The following KCNIP4 variants were observed in gnomAD, a reference collection of about 807,000 sequenced individuals.
KCNIP4 encodes Kv channel-interacting protein 4.
KCNIP4 carries 12 observed loss-of-function variants against 34.0 expected under a neutral mutation model. The ratio of observed to expected loss-of-function variants is 0.35; its 90% CI spans 0.23 to 0.57. The LOEUF (loss-of-function observed/expected upper bound fraction) is 0.57, where lower values mean the gene tolerates loss of function less well. KCNIP4 is among the 20% of genes least tolerant of loss of function. The probability of loss-of-function intolerance (pLI) is 0.83; values close to 1 mark genes in which losing one functional copy is unlikely to be tolerated. For missense variants in KCNIP4, 238 were observed against 311.7 expected (o/e 0.76, Z 1.78); for synonymous variants, 124 against 102.2 (o/e 1.21, Z -1.29).
At chr4:20,746,129 A>C (rs1264902323) in intron 5 of KCNIP4, among the ~76,000 whole-genome samples, 2 of 152,136 alleles carry the variant, frequency 1.3e-5, no homozygotes, top group African/African-American at 4.8e-5. Context: ...AACCAACCCA[A>C]ATGTCCATCA....
chr4:21,198,708 G>A (rs958136724), intron 1 of KCNIP4, among the ~76,000 whole-genome samples: 1 of 152,140 alleles, frequency 6.6e-6, no homozygotes, highest in African/African-American at 2.4e-5. Context: ...TTGTTCTGCT[G>A]GAGCCTGTGC....
chr4:20,750,099 A>G (rs1380874973), intron 4 of KCNIP4, among the ~76,000 whole-genome samples: 1 of 152,218 alleles, frequency 6.6e-6, no homozygotes, highest in African/African-American at 2.4e-5. Flanking sequence ...GTAAAGTACT[A>G]AAAATACTAC....
At chr4:21,596,813 T>A (rs1163630496) in intron 1 of KCNIP4, among the ~76,000 whole-genome samples, 1 of 151,896 alleles carries the variant, frequency 6.6e-6, no homozygotes, top group African/African-American at 2.4e-5. Flanking sequence ...AGGTACCAGG[T>A]GTGGAGCTAA....
intron 3 of KCNIP4, among the ~76,000 whole-genome samples, chr4:20,799,403 C>G (rs963866177): frequency 9.9e-5 from 15 of 152,206 alleles, no homozygotes; most frequent in Non-Finnish European, 1.9e-4. Context: ...GGCAGCCCCA[C>G]TAACCCACAT....
At chr4:21,092,397 C>T (rs967549374) in intron 1 of KCNIP4, among the ~76,000 whole-genome samples, 1 of 152,046 alleles carries the variant, frequency 6.6e-6, no homozygotes, top group Non-Finnish European at 1.5e-5. Flanking sequence ...AGAGTATATG[C>T]CATTTTTAGA....
intron 1 of KCNIP4, among the ~76,000 whole-genome samples, chr4:21,191,676 A>T (rs1013838008): frequency 2.6e-5 from 4 of 152,226 alleles, no homozygotes; most frequent in Non-Finnish European, 1.5e-5. Flanking sequence ...CTTACAGATA[A>T]GACAAATTTT....
chr4:21,057,982 T>C (rs1021533060), intron 1 of KCNIP4, among the ~76,000 whole-genome samples: 6 of 152,124 alleles, frequency 3.9e-5, no homozygotes, highest in African/African-American at 1.4e-4. Flanking sequence ...AAACTTATTG[T>C]GATAATACAT....
At chr4:21,422,838 G>A (rs1725597951) in intron 1 of KCNIP4, among the ~76,000 whole-genome samples, 2 of 152,068 alleles carry the variant, frequency 1.3e-5, no homozygotes, top group East Asian at 3.9e-4. Context: ...GAGAACTATG[G>A]CATGGAGAAA....
intron 1 of KCNIP4, among the ~76,000 whole-genome samples, chr4:21,262,038 A>G (rs770942640): frequency 5.3e-5 from 8 of 152,322 alleles, no homozygotes; most frequent in South Asian, 4.1e-4. Flanking sequence ...GTCTTATCTC[A>G]TAATGTTCTT....
rs358579 is a variant in KCNIP4 at position 21,434,956 on chromosome 4, C to A, written c.61+513615G>T. ...AAAACAGGTCTAAGAGAAGTAATAA[C>A]TTCATAGAGTTGTTGAGGGAGTTAG... is the stretch of plus-strand genomic sequence containing the variant. On this transcript the variant is annotated intron_variant, in intron 1 of 8. Transcript: ENST00000382152. Among the ~76,000 whole-genome samples the A allele has an allele frequency of 4.2e-3, 636 of 152,146 alleles. 6 individuals are homozygous for A. The highest frequency in any genetic ancestry group is 0.014 in the African/African-American group (589 of 41,512).
At chr4:21,825,741 A>G (rs1024706686) in intron 1 of KCNIP4, among the ~76,000 whole-genome samples, 1 of 152,158 alleles carries the variant, frequency 6.6e-6, no homozygotes, top group Non-Finnish European at 1.5e-5. Flanking sequence ...ACGGTTACCT[A>G]CTAGGTACAT....
intron 1 of KCNIP4, among the ~76,000 whole-genome samples, chr4:21,479,987 C>A (rs539180486): frequency 1.3e-5 from 2 of 151,044 alleles, no homozygotes; most frequent in African/African-American, 4.8e-5. Context: ...CTTAGAAAGA[C>A]ACAAAAGAGA....
At chr4:21,488,655 C>T (rs550958895) in intron 1 of KCNIP4, among the ~76,000 whole-genome samples, 11 of 152,124 alleles carry the variant, frequency 7.2e-5, no homozygotes, top group East Asian at 3.9e-4. Context: ...AAAACCAATA[C>T]GTCACAATCA....
rs1280766965 is a variant in KCNIP4, at chr4:21,495,534, T to C, written c.61+453037A>G. Reference sequence around the variant, plus strand: ...TTAATGATCCGATGATGATAAAAGATAAAGAGGTTTAGGATTTTGTGGTAT... The same window carrying C: ...TTAATGATCCGATGATGATAAAAGACAAAGAGGTTTAGGATTTTGTGGTAT... On this transcript the variant is annotated intron_variant, in intron 1 of 8. Transcript: ENST00000382152. Among the ~76,000 whole-genome samples the C allele has an allele frequency of 2.0e-5, 3 of 152,084 alleles. No individual in the cohort carries two copies. The East Asian group carries it at 5.8e-4, about 29-fold the overall frequency.
intron 1 of KCNIP4, among the ~76,000 whole-genome samples, chr4:21,190,772 A>G (rs1402369905): frequency 6.6e-6 from 1 of 152,186 alleles, no homozygotes; most frequent in Non-Finnish European, 1.5e-5. Flanking sequence ...CATAAAATCT[A>G]TTTACATATT....
chr4:21,443,177 G>C (rs951153546), intron 1 of KCNIP4, among the ~76,000 whole-genome samples: 3 of 152,076 alleles, frequency 2.0e-5, no homozygotes, highest in Admixed American at 6.6e-5. Context: ...TCTTCCAGCT[G>C]ACCTGTTCCC....
chr4:21,295,518 A>G (rs946133974), intron 1 of KCNIP4, among the ~76,000 whole-genome samples: 1 of 152,078 alleles, frequency 6.6e-6, no homozygotes, highest in African/African-American at 2.4e-5. Context: ...TACCCTGGCA[A>G]GCTCACTCTG....
chr4:21,053,092 T>C (rs1743072590), intron 1 of KCNIP4, among the ~76,000 whole-genome samples: 2 of 151,908 alleles, frequency 1.3e-5, no homozygotes, highest in Non-Finnish European at 2.9e-5. Flanking sequence ...TGATCTGTAA[T>C]TGTATCCACT....
At chr4:21,340,436 C>T (rs561383076) in intron 1 of KCNIP4, among the ~76,000 whole-genome samples, 2 of 152,124 alleles carry the variant, frequency 1.3e-5, no homozygotes, top group East Asian at 1.9e-4. Context: ...GTTTATTGCA[C>T]GTAAAAGAAC....
Sources: allele counts gnomAD v4.1 joint callset (sites outside exome capture counted in the v4.1 genomes callset), GRCh38; gene constraint gnomAD v4.1.1; transcripts MANE v1.5; gene names NCBI Gene and HGNC (gene_info 2026-07-23, HGNC 2026-07-21).